FAM120B: variants seen among roughly 807,000 people sequenced by gnomAD.
FAM120B encodes the protein family with sequence similarity 120 member B.
Under a neutral mutation model 96.3 loss-of-function variants are expected in FAM120B, and 83 were observed. The observed-to-expected ratio is 0.86, with a 90% confidence interval of 0.72 to 1.03. The LOEUF is 1.03. Among genes scored for constraint, FAM120B ranks in the 50% least tolerant of loss-of-function variants. FAM120B has a pLI of 0.00. For missense variants in FAM120B, 1,027 were observed against 1,121.2 expected (o/e 0.92, Z 1.20); for synonymous variants, 407 against 402.7 (o/e 1.01, Z -0.13).
In FAM120B at chr6:170,367,840, A is replaced by G. The variant is rs373416444; in HGVS notation, c.2283+9522A>G. Reference sequence around the variant, plus strand: ...TAAAGGAGCTGAAGTGAGGATATAAATTCCCTGACTCTTGGTTCCACTTCC... The same window carrying G: ...TAAAGGAGCTGAAGTGAGGATATAAGTTCCCTGACTCTTGGTTCCACTTCC... On this transcript the variant is annotated intron_variant, in intron 6 of 10. Coordinates refer to ENST00000476287, the MANE Select transcript of FAM120B (RefSeq NM_032448.3). Among the ~76,000 whole-genome samples, 10 of 152,180 alleles carry G rather than the reference A, an allele frequency of 6.6e-5. No homozygotes were observed. The East Asian group carries it at 1.2e-3, about 18-fold the overall frequency.
At chr6:170,315,781 C>A (rs956207218) in intron 1 of FAM120B, among the ~76,000 whole-genome samples, 1 of 151,984 alleles carries the variant, frequency 6.6e-6, no homozygotes, top group Non-Finnish European at 1.5e-5. Context: ...GGCTAGAGCC[C>A]ATTAAAAATC....
intron 2 of FAM120B, among the ~76,000 whole-genome samples, chr6:170,322,469 A>G (rs1473445622): frequency 6.6e-6 from 1 of 152,202 alleles, no homozygotes; most frequent in African/African-American, 2.4e-5. Flanking sequence ...GATTCTGGGT[A>G]GGGTAAGTTC....
At chr6:170,350,818 A>T (rs182166700) in intron 5 of FAM120B, among the ~76,000 whole-genome samples, 1 of 152,368 alleles carries the variant, frequency 6.6e-6, no homozygotes, top group Non-Finnish European at 1.5e-5. Context: ...AAGATAGATA[A>T]GCCTACAAAC....
At chr6:170,312,633 C>T (rs1784655406) in intron 1 of FAM120B, among the ~76,000 whole-genome samples, 2 of 152,138 alleles carry the variant, frequency 1.3e-5, no homozygotes, top group African/African-American at 4.8e-5. Flanking sequence ...GAGGTATCCT[C>T]CAGGGCACCC....
upstream of FAM120B, among the ~76,000 whole-genome samples, chr6:170,302,502 T>C (rs1444584557): frequency 6.6e-6 from 1 of 152,166 alleles, no homozygotes; most frequent in East Asian, 1.9e-4. Flanking sequence ...TCATTCAGCA[T>C]CCAAATAAAA....
rs1778817412 is a variant in FAM120B, at chr6:170,406,759, T to G, written c.*2008T>G. Reference sequence around the variant, plus strand: ...TTGAAACCCCTGCTGCTTCTAGATCTATTTCTTTGCACTTGTATAACTTTG... The same window carrying G: ...TTGAAACCCCTGCTGCTTCTAGATCGATTTCTTTGCACTTGTATAACTTTG... On this transcript the variant is annotated 3_prime_UTR_variant, in exon 11 of 11. Transcript: ENST00000476287. The G allele has an allele frequency of 6.6e-6, 1 of 152,240 alleles. No individual in the cohort carries two copies. Among genetic ancestry groups the G allele is most frequent in the South Asian group, 2.1e-4 (1 of 4,828 alleles). 9.4% of individuals were successfully genotyped at this position (152,240 alleles called of 1,614,324 possible). A position where few individuals can be genotyped will look rare whatever the true frequency, so the allele number is the denominator to read the frequency against.
chr6:170,348,105 CTG>C, intron 4 of FAM120B, 44 bp from the exon 5 acceptor site: 3 of 1,496,216 alleles, frequency 2.0e-6, no homozygotes, highest in Non-Finnish European at 2.8e-6. Context: ...TATTATAACT[CTG>C]TGCTGCAAAG....
chr6:170,356,185 T>C (rs1425920738), intron 5 of FAM120B, among the ~76,000 whole-genome samples: 3 of 152,132 alleles, frequency 2.0e-5, no homozygotes, highest in Non-Finnish European at 4.4e-5. Flanking sequence ...AGGAAGAAAA[T>C]TTCCACTTTA....
intron 6 of FAM120B, among the ~76,000 whole-genome samples, chr6:170,387,105 C>T (rs1017618122): frequency 1.3e-5 from 2 of 152,276 alleles, no homozygotes; most frequent in Non-Finnish European, 1.5e-5. Context: ...GCCCTGTGTA[C>T]GTGTGTAATG....
chr6:170,356,349 A>T (rs1787952283), intron 5 of FAM120B, among the ~76,000 whole-genome samples: 1 of 152,224 alleles, frequency 6.6e-6, no homozygotes, highest in Non-Finnish European at 1.5e-5. Flanking sequence ...TGTATTCGCT[A>T]GATGAAGAAG....
At chr6:170,364,048 A>T (rs567146976) in intron 6 of FAM120B, among the ~76,000 whole-genome samples, 2 of 152,264 alleles carry the variant, frequency 1.3e-5, no homozygotes, top group East Asian at 3.9e-4. Context: ...ATAATTTTTT[A>T]AAAATGTGTT....
intron 1 of FAM120B, among the ~76,000 whole-genome samples, chr6:170,296,332 C>A (rs1264532214): frequency 6.6e-6 from 1 of 152,142 alleles, no homozygotes; most frequent in Non-Finnish European, 1.5e-5. Context: ...CTGAGGGCTT[C>A]CTGGAGGTGG....
At chr6:170,332,774 G>C (rs573994992) in intron 4 of FAM120B, among the ~76,000 whole-genome samples, 2 of 151,906 alleles carry the variant, frequency 1.3e-5, no homozygotes, top group South Asian at 4.2e-4. Flanking sequence ...GGTTCTTGTC[G>C]CACCATTAGA....
intron 1 of FAM120B, among the ~76,000 whole-genome samples, chr6:170,296,131 G>A (rs1175640300): frequency 6.6e-6 from 1 of 152,144 alleles, no homozygotes; most frequent in African/African-American, 2.4e-5. Flanking sequence ...TACCGCAGCA[G>A]CTGCTGCGGG....
intron 4 of FAM120B, among the ~76,000 whole-genome samples, chr6:170,334,547 GGT>G (rs10560646): frequency 0.37 from 55,397 of 149,628 alleles, 10,626 homozygotes; most frequent in Non-Finnish European, 0.44. Flanking sequence ...AAAGGAAGCT[GGT>G]GTGTGTGTGT....
At chr6:170,329,858 C>T (rs1248165591) in intron 3 of FAM120B, among the ~76,000 whole-genome samples, 5 of 152,198 alleles carry the variant, frequency 3.3e-5, no homozygotes, top group Admixed American at 1.3e-4. Flanking sequence ...CAGCCCTGGA[C>T]CAAGCCCACT....
chr6:170,369,472 CTA>C (rs1258320326), intron 6 of FAM120B, among the ~76,000 whole-genome samples: 1 of 152,110 alleles, frequency 6.6e-6, no homozygotes, highest in Non-Finnish European at 1.5e-5. Context: ...AATGTGATCT[CTA>C]TGAGGAAGCA....
At chr6:170,403,168 A>G (rs60602852) in intron 9 of FAM120B, among the ~76,000 whole-genome samples, 10,445 of 152,234 alleles carry the variant, frequency 0.069, 1,184 homozygotes, top group East Asian at 0.57. Context: ...TACAAAAGTG[A>G]TATTAGTGGT....
rs534751620 is a variant in FAM120B, at chr6:170,391,408, G to A, written c.2599+287G>A. On this transcript the variant is annotated intron_variant, in intron 8 of 10. Transcript: ENST00000476287. ...AAATGAACCGGGCGTGTTGGCGGGCGCCTGTAATCCCAGCTACTTGGGAGG... is the reference window on the plus strand; with the variant it reads ...AAATGAACCGGGCGTGTTGGCGGGCACCTGTAATCCCAGCTACTTGGGAGG... Among the ~76,000 whole-genome samples, 415 of 152,196 alleles carry A rather than the reference G, an allele frequency of 2.7e-3. 1 individual carries two copies. The highest frequency in any genetic ancestry group is 6.8e-3 in the Middle Eastern group (2 of 294).
Sources: allele counts gnomAD v4.1 joint callset (sites outside exome capture counted in the v4.1 genomes callset), GRCh38; gene constraint gnomAD v4.1.1; transcripts MANE v1.5; gene names NCBI Gene and HGNC (gene_info 2026-07-23, HGNC 2026-07-21).